ASCC1: variants seen among roughly 807,000 people sequenced by gnomAD.
ASCC1 encodes activating signal cointegrator 1 complex subunit 1.
ASCC1 carries 35 observed loss-of-function variants against 46.6 expected under a neutral mutation model. That is an observed-to-expected ratio of 0.75 (90% CI 0.57 to 0.99). The LOEUF is 0.99. ASCC1 is among the 50% of genes least tolerant of loss of function. The pLI is 0.00. For missense variants in ASCC1, 376 were observed against 428.7 expected (o/e 0.88, Z 1.09); for synonymous variants, 143 against 146.6 (o/e 0.98, Z 0.18).
chr10:72,098,785 C>T (rs949323831), intron 9 of ASCC1, among the ~76,000 whole-genome samples: 5 of 152,224 alleles, frequency 3.3e-5, no homozygotes, highest in African/African-American at 1.2e-4. Context: ...AGGTTGTATG[C>T]TGCATTGTCT....
At chr10:72,189,498 C>G (rs1018940354) in intron 5 of ASCC1, among the ~76,000 whole-genome samples, 2 of 152,044 alleles carry the variant, frequency 1.3e-5, no homozygotes, top group Non-Finnish European at 2.9e-5. Flanking sequence ...CTAAGTCCAT[C>G]TGTCTGAAGA....
At chr10:72,197,467 C>CAAAA (rs59460393) in intron 4 of ASCC1, among the ~76,000 whole-genome samples, 13 of 51,366 alleles carry the variant, frequency 2.5e-4, no homozygotes, top group African/African-American at 6.3e-4. Context: ...GACTCTATCT[C>CAAAA]AAAAAAAAAA....
At chr10:72,139,522 A>G (rs556154266) in intron 7 of ASCC1, among the ~76,000 whole-genome samples, 2 of 152,356 alleles carry the variant, frequency 1.3e-5, no homozygotes, top group Admixed American at 6.5e-5. Context: ...CAAATTAAAT[A>G]TAACAGGGTT....
chr10:72,156,798 G>T lies in ASCC1; in HGVS notation c.627-3810C>A, dbSNP rs183595967. Among the ~76,000 whole-genome samples, 35 of 151,572 alleles carry T rather than the reference G, an allele frequency of 2.3e-4. No homozygotes were observed. The East Asian group carries it at 5.2e-3, about 23-fold the overall frequency. On this transcript the variant is annotated intron_variant, in intron 6 of 9. Transcript: ENST00000672957. ...AAAAAAAAAAAAAGAAAAAAAAAAG[G>T]ATTTTAGGATCAATCAAAAGACAGC...
intron 5 of ASCC1, among the ~76,000 whole-genome samples, chr10:72,189,773 GC>G (rs1437506380): frequency 7.1e-6 from 1 of 141,062 alleles, no homozygotes; most frequent in Non-Finnish European, 1.5e-5. Flanking sequence ...CTGCATTCCT[GC>G]CTGGGCAACA....
rs1166928929 is a variant in ASCC1, at chr10:72,210,820, AC to A, written c.123del (p.Glu41AspfsTer23). On this transcript the variant is annotated frameshift_variant, in exon 3 of 10. Transcript: ENST00000672957. LOFTEE classifies it high-confidence loss of function. Reference protein sequence around the residue: ...DEEDFYQGSMECADEPCDAYE... With the variant: ...DEEDFYQGSMXCADEPCDAYE... Reference sequence around the variant, plus strand: ...TAGGCATCACAGGGCTCATCAGCACACTCCATGGAGCCTGCACAGAAACCAT... The same window carrying A: ...TAGGCATCACAGGGCTCATCAGCACATCCATGGAGCCTGCACAGAAACCAT... The A allele has an allele frequency of 6.2e-7, 1 of 1,613,704 alleles. No homozygotes were observed. Among genetic ancestry groups the A allele is most frequent in the African/African-American group, 1.3e-5 (1 of 74,838 alleles).
chr10:72,201,877 A>G (rs7085758), intron 4 of ASCC1, among the ~76,000 whole-genome samples: 20,963 of 151,954 alleles, frequency 0.14, 4,120 homozygotes, highest in African/African-American at 0.43. Context: ...GGTAGAGTCT[A>G]CACTGAGCTG....
chr10:72,214,521 C>T (rs1176392081), intron 1 of ASCC1, among the ~76,000 whole-genome samples: 1 of 151,356 alleles, frequency 6.6e-6, no homozygotes, highest in Non-Finnish European at 1.5e-5. Flanking sequence ...AATTACAGGC[C>T]CCTGCCACCA....
rs959560608 is a variant in ASCC1, at chr10:72,104,549, C to T, written c.958-7099G>A. Among the ~76,000 whole-genome samples, 13 of 152,160 alleles carry T rather than the reference C, an allele frequency of 8.5e-5. 1 individual carries two copies. The highest frequency in any genetic ancestry group is 2.4e-4 in the African/African-American group (10 of 41,472). The stretch of plus-strand genomic sequence containing the variant: ...TTGTATTGTTTAGAAAGTAACAGAC[C>T]TAACAGGAAAAATTTAAATTAAAAA... On this transcript the variant is annotated intron_variant, in intron 9 of 9. Transcript: ENST00000672957.
intron 5 of ASCC1, among the ~76,000 whole-genome samples, chr10:72,189,566 G>T (rs1854072723): frequency 6.6e-6 from 1 of 151,958 alleles, no homozygotes; most frequent in South Asian, 2.1e-4. Context: ...ACTTTGGGAG[G>T]CCAAGACAGG....
intron 4 of ASCC1, chr10:72,198,687 A>C (rs1856012028): frequency 2.2e-6 from 1 of 456,026 alleles, no homozygotes; most frequent in Non-Finnish European, 4.4e-6. Context: ...GACACAAAAG[A>C]AATGGGTAAA....
chr10:72,197,004 G>A lies in ASCC1; in HGVS notation c.311-15C>T. On this transcript the variant is annotated splice_polypyrimidine_tract_variant and intron_variant, in intron 4 of 9. Coordinates refer to ENST00000672957, the MANE Select transcript of ASCC1 (RefSeq NM_001198800.3). The stretch of plus-strand genomic sequence containing the variant: ...GCCAGTGATTACTGTAAACAAAGAA[G>A]AAAGGGTAAACTGCTCAAGGACCCC... 6.2e-7 allele frequency: 1 copy of A among 1,613,398 alleles called. No individual in the cohort carries two copies. The highest frequency in any genetic ancestry group is 8.5e-7 in the Non-Finnish European group (1 of 1,179,944).
intron 6 of ASCC1, among the ~76,000 whole-genome samples, chr10:72,157,824 C>G (rs548280808): frequency 2.6e-5 from 4 of 152,238 alleles, no homozygotes; most frequent in African/African-American, 9.6e-5. Context: ...AAGAACTATA[C>G]TAAGTGGTGT....
At chr10:72,122,431 A>C (rs1844318595) in intron 9 of ASCC1, among the ~76,000 whole-genome samples, 1 of 148,876 alleles carries the variant, frequency 6.7e-6, no homozygotes, top group African/African-American at 2.5e-5. Flanking sequence ...AAAAAAAAAA[A>C]AAAAACCCAC....
In ASCC1 at chr10:72,178,722, C is replaced by G. The variant is rs570635854; in HGVS notation, c.490-17048G>C. On this transcript the variant is annotated intron_variant, in intron 5 of 9. Coordinates refer to ENST00000672957, the MANE Select transcript of ASCC1 (RefSeq NM_001198800.3). ...ACTACCAGAGAACTGTGAGATGATA[C>G]ATGGGTGTGGTTTTAGGCTGCTACG... Among the ~76,000 whole-genome samples, 4 of 152,254 alleles carry G rather than the reference C, an allele frequency of 2.6e-5. No individual in the cohort carries two copies. The South Asian group carries it at 8.3e-4, about 32-fold the overall frequency.
chr10:72,130,762 A>G (rs1648087404), intron 8 of ASCC1, among the ~76,000 whole-genome samples: 1 of 152,238 alleles, frequency 6.6e-6, no homozygotes, highest in Non-Finnish European at 1.5e-5. Context: ...GTTCACTTTC[A>G]CAGTCTCACT....
chr10:72,205,281 C>T (rs1347228882), intron 3 of ASCC1, among the ~76,000 whole-genome samples: 32 of 152,080 alleles, frequency 2.1e-4, no homozygotes, highest in Non-Finnish European at 4.4e-5. Context: ...ACCAGCCTGG[C>T]CAACATGGCG....
At chr10:72,141,082 T>TAGAC (rs1846935001) in intron 7 of ASCC1, among the ~76,000 whole-genome samples, 1 of 151,596 alleles carries the variant, frequency 6.6e-6, no homozygotes, top group Non-Finnish European at 1.5e-5. Flanking sequence ...GATAGATAGA[T>TAGAC]AGATATAGAT....
intron 5 of ASCC1, among the ~76,000 whole-genome samples, chr10:72,195,078 C>A (rs971257180): frequency 1.3e-5 from 2 of 149,498 alleles, no homozygotes; most frequent in Non-Finnish European, 3.0e-5. Flanking sequence ...GCTATAATTT[C>A]CTACTTGTTC....
Sources: gnomAD v4.1 joint callset for allele counts (sites outside exome capture counted in the v4.1 genomes callset) on GRCh38, gnomAD v4.1.1 for gene constraint, MANE v1.5 for transcripts, NCBI Gene and HGNC (gene_info 2026-07-23, HGNC 2026-07-21) for gene names.